Variants in DLGAP1 observed in about 807,000 individuals in gnomAD.
DLGAP1 encodes the protein disks large-associated protein 1.
Under a neutral mutation model 90.8 loss-of-function variants are expected in DLGAP1, and 11 were observed. That is an observed-to-expected ratio of 0.12 (90% CI 0.08 to 0.20). DLGAP1 has a LOEUF of 0.20. Among genes scored for constraint, DLGAP1 ranks in the 10% least tolerant of loss-of-function variants. The probability of loss-of-function intolerance (pLI) is 1.00; values close to 1 mark genes in which losing one functional copy is unlikely to be tolerated. For synonymous variants in DLGAP1, 558 were observed against 540.7 expected, an observed-to-expected ratio of 1.03 and a Z score of -0.44; for missense variants, 1,050 against 1,333.8, an observed-to-expected ratio of 0.79 and a Z score of 3.31.
At chr18:4,016,931 G>A (rs2074533016) in intron 2 of DLGAP1, among the ~76,000 whole-genome samples, 1 of 152,182 alleles carries the variant, frequency 6.6e-6, no homozygotes, top group South Asian at 2.1e-4. Context: ...TTAAATGCAT[G>A]TCATGTAAAG....
intron 1 of DLGAP1, among the ~76,000 whole-genome samples, chr18:4,421,544 C>T (rs1416592974): frequency 2.0e-5 from 3 of 152,020 alleles, no homozygotes; most frequent in Non-Finnish European, 2.9e-5. Flanking sequence ...AGCACTCTGT[C>T]ATATATTTAA....
intron 1 of DLGAP1, among the ~76,000 whole-genome samples, chr18:4,424,875 A>G (rs907624087): frequency 1.3e-5 from 2 of 152,214 alleles, no homozygotes; most frequent in South Asian, 4.2e-4. Flanking sequence ...TTATTGCTAA[A>G]TTTCCCTAGC....
intron 3 of DLGAP1, among the ~76,000 whole-genome samples, chr18:3,883,736 T>A (rs2071239851): frequency 6.6e-6 from 1 of 152,120 alleles, no homozygotes; most frequent in Non-Finnish European, 1.5e-5. Flanking sequence ...CAAGGAAAGA[T>A]GCCCAATAGT....
At chr18:4,280,141 G>A (rs190995079) in intron 1 of DLGAP1, among the ~76,000 whole-genome samples, 70 of 151,842 alleles carry the variant, frequency 4.6e-4, no homozygotes, top group Non-Finnish European at 7.9e-4. Flanking sequence ...TCTGACATTC[G>A]ATAAAATCTT....
intron 7 of DLGAP1, among the ~76,000 whole-genome samples, chr18:3,615,326 T>C (rs990762472): frequency 6.6e-6 from 1 of 152,198 alleles, no homozygotes; most frequent in Non-Finnish European, 1.5e-5. Context: ...TGTTACCACA[T>C]AGTTGGTGCT....
intron 3 of DLGAP1, among the ~76,000 whole-genome samples, chr18:3,997,670 T>G (rs759270987): frequency 2.2e-4 from 33 of 152,098 alleles, no homozygotes; most frequent in African/African-American, 7.5e-4. Context: ...TAATTTAAAA[T>G]TTTAAAATAC....
At chr18:4,340,892 A>G (rs672639) in intron 1 of DLGAP1, among the ~76,000 whole-genome samples, 152,221 of 152,240 alleles carry the variant, frequency 1, 76,101 homozygotes, top group Non-Finnish European at 1. Flanking sequence ...GCCAAGAAAT[A>G]CACTAAAAAT....
Position 3,505,381 on chromosome 18 carries a change from A to G in DLGAP1, c.2572-2736T>C, listed in dbSNP as rs563367323. ...GGGCCGGGCGAGTTGGCTCATGCCTATAATCCCAGCACTTTGGAAGGCCGA... is the reference window on the plus strand; with the variant it reads ...GGGCCGGGCGAGTTGGCTCATGCCTGTAATCCCAGCACTTTGGAAGGCCGA... On this transcript the variant is annotated intron_variant, in intron 11 of 12. Transcript: ENST00000315677. Among the ~76,000 whole-genome samples, 3 of 152,228 alleles carry G rather than the reference A, an allele frequency of 2.0e-5. No homozygotes were observed. In the South Asian group the frequency reaches 6.2e-4, roughly 32 times the overall value.
chr18:4,428,635 A>C (rs907477673), intron 1 of DLGAP1, among the ~76,000 whole-genome samples: 24 of 152,214 alleles, frequency 1.6e-4, no homozygotes, highest in African/African-American at 5.1e-4. Flanking sequence ...CTTCTGTCAC[A>C]TAAGACACCT....
chr18:3,621,092 A>G (rs2058081745), intron 7 of DLGAP1, among the ~76,000 whole-genome samples: 1 of 152,122 alleles, frequency 6.6e-6, no homozygotes, highest in Non-Finnish European at 1.5e-5. Flanking sequence ...GAGGCATGCT[A>G]AGGTTCACCT....
intron 1 of DLGAP1, among the ~76,000 whole-genome samples, chr18:4,189,891 A>G (rs2144723511): frequency 6.6e-6 from 1 of 152,246 alleles, no homozygotes; most frequent in South Asian, 2.1e-4. Context: ...CATGGAAAAA[A>G]TGAATCTAGA....
chr18:3,924,714 ATAGT>A (rs1471039787), intron 3 of DLGAP1, among the ~76,000 whole-genome samples: 2 of 152,124 alleles, frequency 1.3e-5, no homozygotes, highest in Non-Finnish European at 2.9e-5. Context: ...TAATTATAAT[ATAGT>A]TACTTTTTCC....
chr18:4,372,517 G>A (rs1324129859), intron 1 of DLGAP1, among the ~76,000 whole-genome samples: 4 of 152,234 alleles, frequency 2.6e-5, no homozygotes, highest in Non-Finnish European at 5.9e-5. Flanking sequence ...CTCCTGACTG[G>A]AAGTCCTGGT....
At chr18:3,682,523 C>T (rs927771107) in intron 7 of DLGAP1, among the ~76,000 whole-genome samples, 6 of 152,172 alleles carry the variant, frequency 3.9e-5, no homozygotes, top group Non-Finnish European at 7.3e-5. Flanking sequence ...AAGTTGGGCC[C>T]GATCCTCTCT....
rs576066016 is a variant in DLGAP1, at chr18:4,431,842, A to G, written c.-267+23164T>C. Among the ~76,000 whole-genome samples, 14 of 152,288 alleles carry G rather than the reference A, an allele frequency of 9.2e-5. No homozygotes were observed. In the South Asian group the frequency reaches 1.7e-3, roughly 18 times the overall value. ...AGAATCCCACCTGCTGGATATAACA[A>G]TTTTTGTATTGATGAACACTGCCAT... is the stretch of plus-strand genomic sequence containing the variant. On this transcript the variant is annotated intron_variant, in intron 1 of 12. Coordinates refer to ENST00000315677, the MANE Select transcript of DLGAP1 (RefSeq NM_004746.4).
intron 10 of DLGAP1, among the ~76,000 whole-genome samples, chr18:3,523,653 C>T (rs992184834): frequency 6.6e-5 from 10 of 152,008 alleles, no homozygotes; most frequent in South Asian, 4.2e-4. Flanking sequence ...CGAGACCATC[C>T]TGGCTAACAC....
chr18:4,424,048 C>A (rs2615859), intron 1 of DLGAP1, among the ~76,000 whole-genome samples: 151,738 of 152,082 alleles, frequency 1, 75,697 homozygotes, highest in Middle Eastern at 1. Flanking sequence ...GCTACTCAGG[C>A]GGCTGAGGCA....
chr18:4,133,480 T>C (rs1351086388), intron 2 of DLGAP1, among the ~76,000 whole-genome samples: 1 of 152,212 alleles, frequency 6.6e-6, no homozygotes, highest in Non-Finnish European at 1.5e-5. Context: ...TTTACAACCC[T>C]GATCCTAATT....
chr18:3,793,388 C>T (rs756568294), intron 5 of DLGAP1, among the ~76,000 whole-genome samples: 1 of 152,302 alleles, frequency 6.6e-6, no homozygotes, highest in South Asian at 2.1e-4. Flanking sequence ...AATTTCTTCT[C>T]GATAGAGCAG....
Sources: gnomAD v4.1 joint callset for allele counts (sites outside exome capture counted in the v4.1 genomes callset) on GRCh38, gnomAD v4.1.1 for gene constraint, MANE v1.5 for transcripts, NCBI Gene and HGNC (gene_info 2026-07-23, HGNC 2026-07-21) for gene names.